The following MEF2D variants were observed in gnomAD, a reference collection of about 807,000 sequenced individuals.
MEF2D encodes the protein myocyte-specific enhancer factor 2D.
In MEF2D, 10 loss-of-function variants were observed where a neutral mutation model predicts 59.3. That is an observed-to-expected ratio of 0.17 (90% CI 0.10 to 0.29). The LOEUF is 0.29. Among genes scored for constraint, MEF2D ranks in the 10% least tolerant of loss-of-function variants. The probability of loss-of-function intolerance (pLI) is 1.00; values close to 1 mark genes in which losing one functional copy is unlikely to be tolerated. For missense variants in MEF2D, 508 were observed against 699.4 expected (o/e 0.73, Z 3.09); for synonymous variants, 305 against 295.0 (o/e 1.03, Z -0.35).
Position 156,467,509 on chromosome 1 carries a change from A to C in MEF2D, c.*136T>G, listed in dbSNP as rs907327387. On this transcript the variant is annotated 3_prime_UTR_variant, in exon 12 of 12. Transcript: ENST00000348159. ...AATAATAATATAATAATTATACACA[A>C]ATGTAACCGTCAACAGGACACGAAG... The C allele has an allele frequency of 6.2e-6, 3 of 486,654 alleles. No homozygotes were observed. The highest frequency in any genetic ancestry group is 1.1e-5 in the Non-Finnish European group (3 of 281,376). 30.1% of individuals were successfully genotyped at this position (486,654 alleles called of 1,614,324 possible). A position where few individuals can be genotyped will look rare whatever the true frequency, so the allele number is the denominator to read the frequency against.
intron 3 of MEF2D, among the ~76,000 whole-genome samples, chr1:156,481,473 G>A (rs1203409547): frequency 2.6e-5 from 4 of 152,158 alleles, no homozygotes; most frequent in South Asian, 4.1e-4. Context: ...CAGAGAGAGC[G>A]GGGAATGGGA....
intron 4 of MEF2D, chr1:156,480,549 G>T: frequency 7.6e-7 from 1 of 1,308,946 alleles, no homozygotes; most frequent in Non-Finnish European, 1.0e-6. Context: ...CCCGAGCATG[G>T]CTCAGAGCGG....
At chr1:156,483,160 T>C (rs773290388) in intron 2 of MEF2D, 79 bp downstream of exon 2, 6 of 1,452,894 alleles carry the variant, frequency 4.1e-6, no homozygotes, top group Non-Finnish European at 5.8e-6. Context: ...CAAAGCCCTC[T>C]TGGAATGCCT....
At chr1:156,491,442 A>T (rs2102235718) in intron 1 of MEF2D, among the ~76,000 whole-genome samples, 1 of 152,310 alleles carries the variant, frequency 6.6e-6, no homozygotes, top group East Asian at 1.9e-4. Flanking sequence ...TGGGGAGGAA[A>T]GGCAATGAGG....
intron 1 of MEF2D, among the ~76,000 whole-genome samples, chr1:156,489,390 G>C (rs1672599837): frequency 6.6e-6 from 1 of 152,152 alleles, no homozygotes; most frequent in Admixed American, 6.5e-5. Context: ...GGGTGAGGCA[G>C]ACACAGAAGA....
At chr1:156,488,525 T>C (rs1182503036) in intron 1 of MEF2D, among the ~76,000 whole-genome samples, 2 of 152,158 alleles carry the variant, frequency 1.3e-5, no homozygotes, top group Non-Finnish European at 2.9e-5. Context: ...ACCCCACTGA[T>C]AGCCATTTTT....
rs1673442689 is a variant in MEF2D at position 156,500,660 on chromosome 1, G to C, written c.-313C>G. 6.6e-6 allele frequency: 1 copy of C among 151,900 alleles called. No homozygotes were observed. The highest frequency in any genetic ancestry group is 6.6e-5 in the Admixed American group (1 of 15,262). 9.4% of individuals were successfully genotyped at this position (151,900 alleles called of 1,614,324 possible). A position where few individuals can be genotyped will look rare whatever the true frequency, so the allele number is the denominator to read the frequency against. The stretch of plus-strand genomic sequence containing the variant: ...TGAGGCCTGGGCCCCCGTCGTGGGC[G>C]CGGGGGCCAGCAGGCGGGCGGCAGG... On this transcript the variant is annotated 5_prime_UTR_variant, in exon 1 of 12. Coordinates refer to ENST00000348159, the MANE Select transcript of MEF2D (RefSeq NM_005920.4).
intron 1 of MEF2D, among the ~76,000 whole-genome samples, chr1:156,485,910 C>T (rs1432545099): frequency 1.0e-4 from 15 of 150,568 alleles, no homozygotes; most frequent in Non-Finnish European, 1.9e-4. Flanking sequence ...AGTGCAGTGG[C>T]GTGATCTTGG....
At chr1:156,497,605 G>T (rs1012269280) in intron 1 of MEF2D, among the ~76,000 whole-genome samples, 1 of 152,168 alleles carries the variant, frequency 6.6e-6, no homozygotes, top group Non-Finnish European at 1.5e-5. Context: ...TTTCCAGTAA[G>T]GCCACCACTC....
Position 156,468,390 on chromosome 1 carries a change from G to T in MEF2D, c.1248-91C>A. 6.5e-6 allele frequency: 6 copies of T among 925,786 alleles called. No individual in the cohort carries two copies. The highest frequency in any genetic ancestry group is 9.7e-6 in the Non-Finnish European group (6 of 619,200). 57.3% of individuals were successfully genotyped at this position (925,786 alleles called of 1,614,324 possible). A position where few individuals can be genotyped will look rare whatever the true frequency, so the allele number is the denominator to read the frequency against. On this transcript the variant is annotated intron_variant, in intron 10 of 11. Transcript: ENST00000348159. The surrounding 1 kb of genome is among the most constrained non-coding windows in gnomAD (Gnocchi z 4.3). ...TGATAGGACACCAGACAGAAAGTGA[G>T]AGAGAACAAGAGGATGAGAATATGG...
At chr1:156,477,393 T>C (rs1440445339) in intron 6 of MEF2D, among the ~76,000 whole-genome samples, 191 bp from the exon 7 acceptor site, 1 of 152,146 alleles carries the variant, frequency 6.6e-6, no homozygotes, top group East Asian at 1.9e-4. Context: ...CAAGTACCCC[T>C]TACTCCTGAA....
chr1:156,474,487 T>G (rs1253249138), intron 9 of MEF2D, among the ~76,000 whole-genome samples: 1 of 152,270 alleles, frequency 6.6e-6, no homozygotes, highest in South Asian at 2.1e-4. Context: ...CTAGTTAAAT[T>G]TGAATTTCAG....
At chr1:156,471,498 A>C (rs1671233088) in intron 9 of MEF2D, among the ~76,000 whole-genome samples, 1 of 152,206 alleles carries the variant, frequency 6.6e-6, no homozygotes, top group South Asian at 2.1e-4. Context: ...GCCTTGCCCA[A>C]GGCCCCTCAG....
chr1:156,468,315 G>A lies in MEF2D; in HGVS notation c.1248-16C>T. On this transcript the variant is annotated splice_polypyrimidine_tract_variant and intron_variant, in intron 10 of 11. Coordinates refer to ENST00000348159, the MANE Select transcript of MEF2D (RefSeq NM_005920.4). This position sits in a 1 kb window ranked among gnomAD's most constrained non-coding sequence, Gnocchi z 4.3. ...GCTGCCCGGGCTGGAGGCAGGCAAT[G>A]GAAATGGGGTACAAGGGATAAAAAC... 2.0e-6 allele frequency: 3 copies of A among 1,531,968 alleles called. No homozygotes were observed. The highest frequency in any genetic ancestry group is 2.6e-6 in the Non-Finnish European group (3 of 1,138,626). 94.9% of individuals were successfully genotyped at this position (1,531,968 alleles called of 1,614,324 possible).
chr1:156,466,313 T>C lies in MEF2D; in HGVS notation c.*1332A>G, dbSNP rs1670842139. The C allele has an allele frequency of 6.6e-6, 1 of 152,090 alleles. No homozygotes were observed. Among genetic ancestry groups the C allele is most frequent in the Non-Finnish European group, 1.5e-5 (1 of 67,960 alleles). The allele number at this position is 152,090 out of a possible 1,614,324, so 9.4% of individuals were successfully genotyped here. ...ATACAACAACAACAAAAAAAAACAG[T>C]TTCCTGGACTGTTACACCGCTAACG... On this transcript the variant is annotated 3_prime_UTR_variant, in exon 12 of 12. Transcript: ENST00000348159.
intron 1 of MEF2D, among the ~76,000 whole-genome samples, chr1:156,498,548 A>G (rs1022986940): frequency 6.6e-6 from 1 of 151,510 alleles, no homozygotes; most frequent in Non-Finnish European, 1.5e-5. Flanking sequence ...AAAAAACTCA[A>G]CCTTTTGGGT....
chr1:156,467,558 A>T lies in MEF2D; in HGVS notation c.*87T>A, dbSNP rs1436040067. 9.0e-7 allele frequency: 1 copy of T among 1,105,092 alleles called. No individual in the cohort carries two copies. Among genetic ancestry groups the T allele is most frequent in the East Asian group, 2.9e-5 (1 of 34,710 alleles). The allele number at this position is 1,105,092 out of a possible 1,614,324, so 68.5% of individuals were successfully genotyped here. A position where few individuals can be genotyped will look rare whatever the true frequency, so the allele number is the denominator to read the frequency against. ...AGCACAAGAAAGGAAGTGGGGGTCG[A>T]GCGGGAGGAGCCCGGGGCAGGGAAG... On this transcript the variant is annotated 3_prime_UTR_variant, in exon 12 of 12. Coordinates refer to ENST00000348159, the MANE Select transcript of MEF2D (RefSeq NM_005920.4).
chr1:156,470,484 G>A (rs1671168067), intron 9 of MEF2D, among the ~76,000 whole-genome samples: 1 of 152,052 alleles, frequency 6.6e-6, no homozygotes, highest in Non-Finnish European at 1.5e-5. Context: ...TGTGGTAGTG[G>A]GAGTGCTGTG....
At chr1:156,488,007 G>A (rs1323824364) in intron 1 of MEF2D, among the ~76,000 whole-genome samples, 1 of 152,240 alleles carries the variant, frequency 6.6e-6, no homozygotes, top group South Asian at 2.1e-4. Context: ...TGGCCCCAGG[G>A]CCTGCCCAAT....
Sources: allele counts gnomAD v4.1 joint callset (sites outside exome capture counted in the v4.1 genomes callset), GRCh38; gene constraint gnomAD v4.1.1; non-coding constraint Gnocchi (gnomAD v3.1); transcripts MANE v1.5; gene names NCBI Gene and HGNC (gene_info 2026-07-23, HGNC 2026-07-21).